Variants in ZSWIM3 observed in about 807,000 individuals in gnomAD.
ZSWIM3 encodes zinc finger SWIM-type containing 3.
A neutral mutation model predicts 47.5 loss-of-function variants in ZSWIM3; 27 were observed. The observed-to-expected ratio is 0.57, with a 90% CI of 0.42 to 0.78. The LOEUF (loss-of-function observed/expected upper bound fraction) is 0.78. ZSWIM3 is among the 30% of genes least tolerant of loss of function. The pLI is 0.00. For synonymous variants in ZSWIM3, 333 were observed against 333.9 expected (o/e 1.00, Z 0.03); for missense variants, 689 against 861.3 (o/e 0.80, Z 2.50).
intron 1 of ZSWIM3, among the ~76,000 whole-genome samples, chr20:45,874,102 C>T (rs1986035642): frequency 6.6e-6 from 1 of 152,148 alleles, no homozygotes; most frequent in Admixed American, 6.6e-5. Context: ...TGAGTAGAAG[C>T]CAGATGCAGT....
At position 45,877,780 on chromosome 20, in the gene ZSWIM3, G is replaced by A. The variant is rs1338793188; in HGVS notation, c.1222G>A (p.Glu408Lys). 1 of 1,614,152 alleles carries A rather than the reference G, an allele frequency of 6.2e-7. No homozygotes were observed. The highest frequency in any genetic ancestry group is 1.1e-5 in the South Asian group (1 of 91,070). The change falls in exon 2 of 2, where the codon GAA becomes AAA. Residue 408 changes from glutamate to lysine, a missense_variant. Coordinates refer to ENST00000255152, the MANE Select transcript of ZSWIM3 (RefSeq NM_080752.4). ...VTSKVSSLFR[E>K]QQSLLDCILC... is the part of the protein sequence containing the mutation. ...CAGCAAGGTGTCAAGCCTCTTTCGG[G>A]AACAGCAGTCGCTGCTGGACTGCAT...
At chr20:45,869,324 G>C (rs886378394) in intron 1 of ZSWIM3, among the ~76,000 whole-genome samples, 2 of 151,366 alleles carry the variant, frequency 1.3e-5, no homozygotes, top group African/African-American at 4.9e-5. Context: ...TTCAAAACCA[G>C]CCTGGCCACA....
chr20:45,862,230 C>CT (rs1985726420), intron 1 of ZSWIM3, among the ~76,000 whole-genome samples: 1 of 150,842 alleles, frequency 6.6e-6, no homozygotes, highest in Non-Finnish European at 1.5e-5. Flanking sequence ...TCCCCGCAAC[C>CT]TTTGACTCCC....
At chr20:45,863,588 T>C (rs1367893515) in intron 1 of ZSWIM3, among the ~76,000 whole-genome samples, 1 of 152,212 alleles carries the variant, frequency 6.6e-6, no homozygotes, top group African/African-American at 2.4e-5. Flanking sequence ...CCCACTAAAT[T>C]AGTTAATACA....
chr20:45,871,826 A>G (rs1336102183), intron 1 of ZSWIM3, among the ~76,000 whole-genome samples: 3 of 150,188 alleles, frequency 2.0e-5, no homozygotes, highest in South Asian at 2.1e-4. Context: ...ACACTACTGC[A>G]CTCCAGCCTG....
chr20:45,868,359 G>A lies in ZSWIM3; in HGVS notation c.156-8355G>A, dbSNP rs143858250. ...ACTTAGTAAAGCTAAGGAATATTTT[G>A]GCAAAACCATCTTTTGTATGTTGCA... On this transcript the variant is annotated intron_variant, in intron 1 of 1. Transcript: ENST00000255152. Among the ~76,000 whole-genome samples, 596 of 152,166 alleles carry A rather than the reference G, an allele frequency of 3.9e-3. 4 individuals carry two copies. The highest frequency in any genetic ancestry group is 0.013 in the African/African-American group (553 of 41,518).
intron 1 of ZSWIM3, among the ~76,000 whole-genome samples, chr20:45,871,696 A>G (rs1207305941): frequency 1.3e-5 from 2 of 151,660 alleles, no homozygotes; most frequent in Admixed American, 6.6e-5. Context: ...CTAAAAAAAA[A>G]AAAAAGAAAG....
chr20:45,862,756 G>A (rs1012994997), intron 1 of ZSWIM3, among the ~76,000 whole-genome samples: 1 of 152,112 alleles, frequency 6.6e-6, no homozygotes, highest in Non-Finnish European at 1.5e-5. Flanking sequence ...CCTTCCAAAG[G>A]GCTGCGATTA....
chr20:45,875,761 A>G (rs1041662253), intron 1 of ZSWIM3, among the ~76,000 whole-genome samples: 4 of 151,946 alleles, frequency 2.6e-5, no homozygotes, highest in African/African-American at 9.7e-5. Flanking sequence ...TTGGCCTCCC[A>G]AAGTGCGGGG....
At chr20:45,865,934 A>G (rs112498377) in intron 1 of ZSWIM3, among the ~76,000 whole-genome samples, 1,905 of 148,178 alleles carry the variant, frequency 0.013, 44 homozygotes, top group African/African-American at 0.045. Context: ...CAGAGGTTGC[A>G]GTGAGCCGAG....
In ZSWIM3 at chr20:45,878,363, G is replaced by A. The variant is rs145329268; in HGVS notation, c.1805G>A (p.Gly602Asp). Residue 602 changes from glycine (G) to aspartate (D), a missense_variant, in exon 2 of 2, where the codon GGT (glycine) becomes GAT (aspartate). Physicochemically the swap from Gly to Asp is moderately conservative, Grantham distance 94 (BLOSUM62 -1). Coordinates refer to ENST00000255152, the MANE Select transcript of ZSWIM3 (RefSeq NM_080752.4). ...LGPNGELQDR[G>D]MVPNTGQPEK... is the part of the protein sequence containing the mutation. ...CCCAATGGGGAGCTCCAGGATCGTG[G>A]TATGGTCCCAAACACAGGCCAGCCT... The A allele has an allele frequency of 6.2e-5, 100 of 1,614,098 alleles. No individual in the cohort carries two copies. Among genetic ancestry groups the A allele is most frequent in the Non-Finnish European group, 8.1e-5 (95 of 1,180,050 alleles).
Position 45,878,352 on chromosome 20 carries a change from C to T in ZSWIM3, c.1794C>T (p.Leu598=). 6.2e-7 allele frequency: 1 copy of T among 1,614,206 alleles called. No individual in the cohort carries two copies. Among genetic ancestry groups the T allele is most frequent in the Non-Finnish European group, 8.5e-7 (1 of 1,180,048 alleles). The change falls in exon 2 of 2, where the codon CTC becomes CTT. Residue 598 remains leucine, a synonymous_variant. Coordinates refer to ENST00000255152, the MANE Select transcript of ZSWIM3 (RefSeq NM_080752.4). ...ACCTCCTTGGGCCCAATGGGGAGCT[C>T]CAGGATCGTGGTATGGTCCCAAACA... ...YQYLLGPNGE[L]QDRGMVPNTG...
intron 1 of ZSWIM3, among the ~76,000 whole-genome samples, chr20:45,858,983 C>T (rs963083451): frequency 5.3e-5 from 8 of 152,008 alleles, no homozygotes; most frequent in Non-Finnish European, 8.8e-5. Context: ...CAACCAACAC[C>T]AGGTCTTTGT....
chr20:45,875,132 T>C (rs553386081), intron 1 of ZSWIM3, among the ~76,000 whole-genome samples: 208 of 135,350 alleles, frequency 1.5e-3, no homozygotes, highest in Non-Finnish European at 2.3e-3. Context: ...AAGCTCCGCC[T>C]CCCGGGTTCA....
rs764627937 is a variant in ZSWIM3, at chr20:45,878,542, T to C, written c.1984T>C (p.Phe662Leu). The stretch of plus-strand genomic sequence containing the variant: ...TGGCCCCTCCCAGCCATCTGAGCTC[T>C]TTCAGCAGCCAGGAGACTTTAAGGA... The part of the protein sequence containing the change: ...WAGPSQPSEL[F>L]QQPGDFKDVG... Residue 662 changes from phenylalanine (F) to leucine (L), a missense_variant, in exon 2 of 2, where the codon TTT (phenylalanine) becomes CTT (leucine). Transcript: ENST00000255152. 6.2e-7 allele frequency: 1 copy of C among 1,614,248 alleles called. No individual in the cohort carries two copies. Among genetic ancestry groups the C allele is most frequent in the Non-Finnish European group, 8.5e-7 (1 of 1,180,050 alleles).
intron 1 of ZSWIM3, among the ~76,000 whole-genome samples, chr20:45,859,816 A>AC (rs71181869): frequency 0.38 from 48,049 of 126,266 alleles, 11,392 homozygotes; most frequent in Non-Finnish European, 0.52. Context: ...AAAAAAAAAA[A>AC]CCACAGTTGC....
rs372477086 is a variant in ZSWIM3, at chr20:45,864,785, C to T, written c.155+6805C>T. ...CTGAGGCAGGAGGATCCCTTGAACC[C>T]GAGAGGCGGAGGCTGCAGTGAGCTG... On this transcript the variant is annotated intron_variant, in intron 1 of 1. Transcript: ENST00000255152. Among the ~76,000 whole-genome samples, 274 of 152,042 alleles carry T rather than the reference C, an allele frequency of 1.8e-3. 3 individuals are homozygous for T. The highest frequency in any genetic ancestry group is 0.011 in the South Asian group (55 of 4,808).
chr20:45,857,945 CCT>C lies in ZSWIM3; in HGVS notation c.122_123del (p.Leu41GlnfsTer49). The C allele has an allele frequency of 6.2e-7, 1 of 1,611,390 alleles. No individual in the cohort carries two copies. The highest frequency in any genetic ancestry group is 1.1e-5 in the South Asian group (1 of 90,988). On this transcript the variant is annotated frameshift_variant, in exon 1 of 2. Transcript: ENST00000255152. LOFTEE classifies it high-confidence loss of function. Reference protein sequence around the residue: ...RDCVSVRFHNLNHGTSIREDI... With the variant: ...RDCVSVRFHNXNHGTSIREDI... ...ACTGCGTCTCCGTCCGCTTCCACAACCTCAACCATGGCACCTCCATCCGCGAA... is the reference window on the plus strand; with the variant it reads ...ACTGCGTCTCCGTCCGCTTCCACAACCAACCATGGCACCTCCATCCGCGAA...
intron 1 of ZSWIM3, among the ~76,000 whole-genome samples, chr20:45,870,986 C>T (rs113563736): frequency 0.027 from 4,150 of 152,222 alleles, 154 homozygotes; most frequent in East Asian, 0.13. Context: ...TGAGCCACGG[C>T]GCCCAGCTAC....
Sources: allele counts gnomAD v4.1 joint callset (sites outside exome capture counted in the v4.1 genomes callset), GRCh38; gene constraint gnomAD v4.1.1; transcripts MANE v1.5; gene names NCBI Gene and HGNC (gene_info 2026-07-23, HGNC 2026-07-21).